The following BTNL9 variants were observed in gnomAD, a reference collection of about 807,000 sequenced individuals.
BTNL9 encodes butyrophilin-like protein 9.
In BTNL9, 45 loss-of-function variants were observed where a neutral mutation model predicts 45.8. The ratio of observed to expected loss-of-function variants is 0.98; its 90% confidence interval spans 0.77 to 1.26. The LOEUF (loss-of-function observed/expected upper bound fraction) is 1.26. BTNL9 is among the 50% of genes most tolerant of loss of function. BTNL9 has a pLI of 0.00. For synonymous variants in BTNL9, 346 were observed against 330.8 expected (o/e 1.05, Z -0.50); for missense variants, 784 against 729.7 (o/e 1.07, Z -0.86).
chr5:181,057,019 TG>T (rs1761918822), intron 9 of BTNL9: 1 of 157,544 alleles, frequency 6.3e-6, no homozygotes, highest in African/African-American at 2.4e-5. Flanking sequence ...TGTGTGTGTG[TG>T]TGTGTGTGTG....
At chr5:181,057,817 C>T (rs1761959246) in intron 9 of BTNL9, among the ~76,000 whole-genome samples, 1 of 152,212 alleles carries the variant, frequency 6.6e-6, no homozygotes. Flanking sequence ...ATATCTGGAG[C>T]TCTGAGAACG....
intron 9 of BTNL9, 115 bp downstream of exon 9, chr5:181,056,130 A>AT: frequency 8.5e-7 from 1 of 1,182,082 alleles, no homozygotes; most frequent in Non-Finnish European, 1.3e-6. Flanking sequence ...GGCCTCACAC[A>AT]GCATGTGTTA....
chr5:181,059,699 T>C lies in BTNL9; in HGVS notation c.1445T>C (p.Leu482Pro). ...FTFHDTFSGALCAYFRPRAHD... is the reference protein window; with the variant it reads ...FTFHDTFSGAPCAYFRPRAHD... The stretch of plus-strand genomic sequence containing the variant: ...TTCCACGACACCTTCTCGGGCGCGC[T>C]CTGTGCGTACTTCAGGCCCAGGGCC... The change falls in exon 11 of 11, where the codon CTC (leucine) becomes CCC (proline). Residue 482 changes from leucine to proline, a missense_variant. By Grantham distance (98) the Leu-to-Pro change is moderately conservative. Transcript: ENST00000327705. 6.2e-7 allele frequency: 1 copy of C among 1,613,588 alleles called. No individual in the cohort carries two copies. The highest frequency in any genetic ancestry group is 2.2e-5 in the East Asian group (1 of 44,868).
rs147174151 is a variant in BTNL9, at chr5:181,054,161, C to T, written c.887-78C>T. ...CGGAGGTGAGGCCTCAGTGTTCACC[C>T]ATCTGTTCTGTCTGCCTCATTCCCC... is the stretch of plus-strand genomic sequence containing the variant. On this transcript the variant is annotated intron_variant, in intron 6 of 10. Coordinates refer to ENST00000327705, the MANE Select transcript of BTNL9 (RefSeq NM_152547.5). 3.1e-4 allele frequency: 496 copies of T among 1,599,610 alleles called. No individual in the cohort carries two copies. The African/African-American group carries it at 4.7e-3, about 15-fold the overall frequency.
intron 2 of BTNL9, chr5:181,047,552 T>A: frequency 1.0e-6 from 1 of 963,352 alleles, no homozygotes; most frequent in Non-Finnish European, 1.2e-6. Context: ...ATACGTATGT[T>A]TTTTACTTAA....
Position 181,050,418 on chromosome 5 carries a change from T to C in BTNL9, c.736+49T>C, listed in dbSNP as rs992087431. The C allele has an allele frequency of 6.3e-7, 1 of 1,588,760 alleles. No homozygotes were observed. Among genetic ancestry groups the C allele is most frequent in the African/African-American group, 1.3e-5 (1 of 74,614 alleles). ...CATCTTCCTAGTCCTCATGTGTACA[T>C]ACACATTGGCCCAAAGGCAGTCTAT... is the stretch of plus-strand genomic sequence containing the variant. On this transcript the variant is annotated intron_variant, in intron 4 of 10. Coordinates refer to ENST00000327705, the MANE Select transcript of BTNL9 (RefSeq NM_152547.5). This position sits in a 1 kb window ranked among gnomAD's most constrained non-coding sequence, Gnocchi z 4.9.
chr5:181,042,529 C>T lies in BTNL9; in HGVS notation c.-24+2097C>T, dbSNP rs567515097. Among the ~76,000 whole-genome samples, 14 of 152,284 alleles carry T rather than the reference C, an allele frequency of 9.2e-5. No homozygotes were observed. In the East Asian group the frequency reaches 2.7e-3, roughly 29 times the overall value. ...GAGGTCAGAAAGGGCGGACGCACAG[C>T]AGCAAACGGGGAGGAGGGTGCTGTC... On this transcript the variant is annotated intron_variant, in intron 1 of 10. Transcript: ENST00000327705. The surrounding 1 kb of genome is among the most constrained non-coding windows in gnomAD (Gnocchi z 4.5).
In BTNL9 at chr5:181,053,596, A is replaced by G. The variant is rs1483277305; in HGVS notation, c.886+95A>G. Reference sequence around the variant, plus strand: ...GGGTCCCGTTACGAGGGTTTATTCCAGCGCGAGGTGTCAGGGCGGCCACCG... The same window carrying G: ...GGGTCCCGTTACGAGGGTTTATTCCGGCGCGAGGTGTCAGGGCGGCCACCG... On this transcript the variant is annotated intron_variant, in intron 6 of 10. Transcript: ENST00000327705. The surrounding 1 kb of genome is among the most constrained non-coding windows in gnomAD (Gnocchi z 6.5). 1 of 1,549,348 alleles carries G rather than the reference A, an allele frequency of 6.5e-7. No homozygotes were observed. Among genetic ancestry groups the G allele is most frequent in the Non-Finnish European group, 8.7e-7 (1 of 1,146,174 alleles).
chr5:181,054,817 A>G (rs1761791755), intron 7 of BTNL9: 1 of 985,324 alleles, frequency 1.0e-6, no homozygotes, highest in East Asian at 1.1e-4. Flanking sequence ...TCGCCCTTCA[A>G]GGGGAATGAG....
rs1465080700 is a variant in BTNL9, at chr5:181,047,937, G to C, written c.120G>C (p.Val40=). 1 of 1,613,712 alleles carries C rather than the reference G, an allele frequency of 6.2e-7. No individual in the cohort carries two copies. The highest frequency in any genetic ancestry group is 1.1e-5 in the South Asian group (1 of 91,050). The change falls in exon 3 of 11, where the codon GTG becomes GTC. Residue 40 remains valine (V), a synonymous_variant. Coordinates refer to ENST00000327705, the MANE Select transcript of BTNL9 (RefSeq NM_152547.5). The part of the protein sequence containing the change: ...QPGEPSSEVK[V]LGPEYPILAL... The stretch of plus-strand genomic sequence containing the variant: ...GACTTGTCATCCTAGAGGTCAAGGT[G>C]CTAGGCCCTGAGTATCCCATCCTGG...
chr5:181,053,997 C>T lies in BTNL9; in HGVS notation c.887-242C>T. ...TGGGAGGCTCCGACCCTGATTTTCA[C>T]ACTAGCAGGAGGGAGGGCGCTGGGT... On this transcript the variant is annotated intron_variant, in intron 6 of 10. Coordinates refer to ENST00000327705, the MANE Select transcript of BTNL9 (RefSeq NM_152547.5). The surrounding 1 kb of genome is among the most constrained non-coding windows in gnomAD (Gnocchi z 6.5). 6.5e-7 allele frequency: 1 copy of T among 1,536,724 alleles called. No homozygotes were observed. The highest frequency in any genetic ancestry group is 1.7e-4 in the Middle Eastern group (1 of 5,978).
intron 6 of BTNL9, 23 bp from the exon 7 acceptor site, chr5:181,054,216 C>CTTTTTTT: frequency 1.3e-6 from 2 of 1,552,774 alleles, no homozygotes; most frequent in Non-Finnish European, 1.7e-6. Context: ...TTTTCTTCAT[C>CTTTTTTT]TTTTTTTTTT....
At chr5:181,040,760 G>A (rs1483466632) in intron 1 of BTNL9, among the ~76,000 whole-genome samples, 7 of 152,054 alleles carry the variant, frequency 4.6e-5, no homozygotes, top group South Asian at 2.1e-4. Flanking sequence ...TGGACCTATC[G>A]AAATCAAACC....
Position 181,059,708 on chromosome 5 carries a change from A to T in BTNL9, c.1454A>T (p.Tyr485Phe). ...HDTFSGALCA[Y>F]FRPRAHDGGE... ...ACCTTCTCGGGCGCGCTCTGTGCGT[A>T]CTTCAGGCCCAGGGCCCACGACGGC... The change falls in exon 11 of 11, where the codon TAC becomes TTC. Residue 485 changes from tyrosine to phenylalanine, a missense_variant. Tyr to Phe is a conservative substitution (Grantham distance 22, BLOSUM62 3). Transcript: ENST00000327705. 1 of 1,613,500 alleles carries T rather than the reference A, an allele frequency of 6.2e-7. No homozygotes were observed. Among genetic ancestry groups the T allele is most frequent in the East Asian group, 2.2e-5 (1 of 44,860 alleles).
At chr5:181,051,260 G>A (rs772425570) in intron 4 of BTNL9, among the ~76,000 whole-genome samples, 1 of 152,070 alleles carries the variant, frequency 6.6e-6, no homozygotes, top group Non-Finnish European at 1.5e-5. Flanking sequence ...GGCAGCCACT[G>A]AAGGGTTTCA....
rs1760716669 is a variant in BTNL9 at position 181,040,401 on chromosome 5, G to GC, written c.-53dup. On this transcript the variant is annotated 5_prime_UTR_variant, in exon 1 of 11. Transcript: ENST00000327705. ...GAGGTGAGCTCACCAGGACTCATCT[G>GC]CCATTTCAGACCTTTTGCTGCTACC... 1.3e-5 allele frequency: 2 copies of GC among 152,190 alleles called. No individual in the cohort carries two copies. Among genetic ancestry groups the GC allele is most frequent in the Admixed American group, 1.3e-4 (2 of 15,276 alleles). The allele number at this position is 152,190 out of a possible 1,614,324, so 9.4% of individuals were successfully genotyped here. A position where few individuals can be genotyped will look rare whatever the true frequency, so the allele number is the denominator to read the frequency against.
At chr5:181,057,277 C>G (rs1321371809) in intron 9 of BTNL9, 1 of 151,618 alleles carries the variant, frequency 6.6e-6, no homozygotes, top group Non-Finnish European at 1.5e-5. Context: ...CTTTATGTAA[C>G]TACAAAAACC....
Position 181,050,423 on chromosome 5 carries a change from A to G in BTNL9, c.736+54A>G. On this transcript the variant is annotated intron_variant, in intron 4 of 10. Coordinates refer to ENST00000327705, the MANE Select transcript of BTNL9 (RefSeq NM_152547.5). This position sits in a 1 kb window ranked among gnomAD's most constrained non-coding sequence, Gnocchi z 4.9. ...TCCTAGTCCTCATGTGTACATACAC[A>G]TTGGCCCAAAGGCAGTCTATAAAGA... 1.3e-6 allele frequency: 2 copies of G among 1,580,890 alleles called. No homozygotes were observed. Among genetic ancestry groups the G allele is most frequent in the East Asian group, 2.2e-5 (1 of 44,662 alleles).
At chr5:181,056,043 C>A in intron 9 of BTNL9, 28 bp downstream of exon 9, 1 of 1,613,322 alleles carries the variant, frequency 6.2e-7, no homozygotes, top group South Asian at 1.1e-5. Flanking sequence ...CTCTCTGACT[C>A]CTCCTCATTT....
Sources: gnomAD v4.1 joint callset for allele counts (sites outside exome capture counted in the v4.1 genomes callset) on GRCh38, gnomAD v4.1.1 for gene constraint, Gnocchi (gnomAD v3.1) non-coding constraint, MANE v1.5 for transcripts, NCBI Gene and HGNC (gene_info 2026-07-23, HGNC 2026-07-21) for gene names.